The following HYKK variants were observed in gnomAD, a reference collection of about 807,000 sequenced individuals.
The protein encoded by HYKK is hydroxylysine kinase.
Under a neutral mutation model 29.7 loss-of-function variants are expected in HYKK, and 19 were observed. That is an observed-to-expected ratio of 0.64 (90% confidence interval 0.45 to 0.94). HYKK has a LOEUF of 0.94. Among genes scored for constraint, HYKK ranks in the 40% least tolerant of loss-of-function variants. HYKK has a pLI of 0.00. For synonymous variants in HYKK, 152 were observed against 158.1 expected, an observed-to-expected ratio of 0.96 and a Z score of 0.29; for missense variants, 390 against 443.4, an observed-to-expected ratio of 0.88 and a Z score of 1.08.
chr15:78,509,581 A>G (rs2052050783), intron 1 of HYKK, among the ~76,000 whole-genome samples: 1 of 152,224 alleles, frequency 6.6e-6, no homozygotes, highest in Non-Finnish European at 1.5e-5. Context: ...AATTGTTCTG[A>G]CATCGTTAAC....
Position 78,533,926 on chromosome 15 carries a change from T to C in HYKK, c.*256T>C. On this transcript the variant is annotated 3_prime_UTR_variant, in exon 5 of 5. Coordinates refer to ENST00000388988, the MANE Select transcript of HYKK (RefSeq NM_001013619.4). ...TGCCATATCTATAAAACACATATAA[T>C]GATACCATTTTGAAGCAGATAATCT... 1 of 431,246 alleles carries C rather than the reference T, an allele frequency of 2.3e-6. No homozygotes were observed. Among genetic ancestry groups the C allele is most frequent in the South Asian group, 3.5e-5 (1 of 28,696 alleles). 26.7% of individuals were successfully genotyped at this position (431,246 alleles called of 1,614,324 possible).
At chr15:78,510,958 CTTTTT>C (rs923918603) in intron 1 of HYKK, among the ~76,000 whole-genome samples, 4 of 85,156 alleles carry the variant, frequency 4.7e-5, no homozygotes, top group African/African-American at 8.6e-5. Flanking sequence ...TCATGAGATT[CTTTTT>C]TTTTTTTTTT....
chr15:78,517,920 G>C (rs1030983090), intron 3 of HYKK, among the ~76,000 whole-genome samples: 4 of 152,122 alleles, frequency 2.6e-5, no homozygotes, highest in Admixed American at 6.6e-5. Flanking sequence ...CCCCAGTTTT[G>C]AGTAGTTTCC....
At chr15:78,516,643 T>C (rs1476040937) in intron 3 of HYKK, among the ~76,000 whole-genome samples, 1 of 151,982 alleles carries the variant, frequency 6.6e-6, no homozygotes, top group Non-Finnish European at 1.5e-5. Context: ...AGCTACCCCA[T>C]GCCTAGCCAG....
intron 3 of HYKK, among the ~76,000 whole-genome samples, chr15:78,520,850 A>G (rs1333412653): frequency 1.0e-4 from 14 of 139,402 alleles, no homozygotes; most frequent in South Asian, 2.3e-4. Flanking sequence ...CGGACGGGGC[A>G]GCTGGCCGGG....
chr15:78,519,687 G>GGAGGCGGAGGTTGCAGT (rs2052171758), intron 3 of HYKK, among the ~76,000 whole-genome samples: 1 of 152,180 alleles, frequency 6.6e-6, no homozygotes, highest in Non-Finnish European at 1.5e-5. Flanking sequence ...CTTGAACCCG[G>GGAGGCGGAGGTTGCAGT]GAGGCGGAGG....
chr15:78,525,183 T>A lies in HYKK; in HGVS notation c.478-2197T>A, dbSNP rs1265533740. On this transcript the variant is annotated intron_variant, in intron 3 of 4. Coordinates refer to ENST00000388988, the MANE Select transcript of HYKK (RefSeq NM_001013619.4). The stretch of plus-strand genomic sequence containing the variant: ...TTGTTTATTTATTTTTGAGATGGAG[T>A]CTCGCTCTGTCGCCCAGGCTGGAGT... Among the ~76,000 whole-genome samples the A allele has an allele frequency of 2.6e-5, 4 of 152,008 alleles. 1 individual carries two copies. In the South Asian group the frequency reaches 8.3e-4, roughly 32 times the overall value.
At chr15:78,531,373 G>A (rs1014154173) in intron 4 of HYKK, among the ~76,000 whole-genome samples, 1 of 152,090 alleles carries the variant, frequency 6.6e-6, no homozygotes, top group African/African-American at 2.4e-5. Flanking sequence ...GGTCAAGTTT[G>A]TTAATCATTT....
chr15:78,509,052 A>C (rs11852372), intron 1 of HYKK, among the ~76,000 whole-genome samples: 41,315 of 151,572 alleles, frequency 0.27, 6,371 homozygotes, highest in Middle Eastern at 0.43. Context: ...TCAAAAACAA[A>C]AAAAAAAAAA....
At chr15:78,524,256 C>T (rs575309493) in intron 3 of HYKK, among the ~76,000 whole-genome samples, 10 of 152,260 alleles carry the variant, frequency 6.6e-5, no homozygotes, top group Non-Finnish European at 1.2e-4. Context: ...TCAACTTTTA[C>T]ACTCTGTGCA....
At chr15:78,527,155 A>G (rs999741344) in intron 3 of HYKK, among the ~76,000 whole-genome samples, 1 of 151,818 alleles carries the variant, frequency 6.6e-6, no homozygotes, top group African/African-American at 2.4e-5. Context: ...GCATGGTGAC[A>G]TATGCCTGTG....
chr15:78,520,925 C>CT (rs2052188484), intron 3 of HYKK, among the ~76,000 whole-genome samples: 1 of 150,128 alleles, frequency 6.7e-6, no homozygotes, highest in African/African-American at 2.4e-5. Context: ...GGCTGACCCC[C>CT]CCACCTCCCT....
chr15:78,521,643 A>AT (rs2052197677), intron 3 of HYKK, among the ~76,000 whole-genome samples: 1 of 152,118 alleles, frequency 6.6e-6, no homozygotes, highest in Admixed American at 6.5e-5. Context: ...GACAACACTG[A>AT]TTTTAACAAA....
At chr15:78,519,474 A>C (rs904490713) in intron 3 of HYKK, among the ~76,000 whole-genome samples, 2 of 152,190 alleles carry the variant, frequency 1.3e-5, no homozygotes, top group African/African-American at 4.8e-5. Context: ...AAACCTTTGA[A>C]CTGGGCCGGG....
chr15:78,529,091 C>A (rs911817474), intron 4 of HYKK, among the ~76,000 whole-genome samples: 7 of 152,186 alleles, frequency 4.6e-5, no homozygotes, highest in Non-Finnish European at 1.0e-4. Flanking sequence ...ATTCTTTCTT[C>A]AAAGGAGAGC....
chr15:78,509,047 A>T (rs1009726492), intron 1 of HYKK, among the ~76,000 whole-genome samples: 6 of 152,004 alleles, frequency 3.9e-5, no homozygotes, highest in African/African-American at 1.4e-4. Context: ...TTGTCTCAAA[A>T]ACAAAAAAAA....
chr15:78,516,007 C>T (rs531281463), intron 3 of HYKK, among the ~76,000 whole-genome samples: 40 of 152,236 alleles, frequency 2.6e-4, no homozygotes, highest in African/African-American at 8.4e-4. Flanking sequence ...TCAATATTCA[C>T]AAATAGAAAC....
intron 4 of HYKK, among the ~76,000 whole-genome samples, chr15:78,532,366 C>T (rs1464406767): frequency 1.3e-5 from 2 of 152,156 alleles, no homozygotes; most frequent in African/African-American, 2.4e-5. Context: ...CTCATGGAGA[C>T]TAGTAACATT....
intron 4 of HYKK, among the ~76,000 whole-genome samples, chr15:78,529,587 G>A (rs2052290638): frequency 6.6e-6 from 1 of 152,134 alleles, no homozygotes; most frequent in Non-Finnish European, 1.5e-5. Flanking sequence ...AATCTGATTT[G>A]TACATAATAG....
Sources: gnomAD v4.1 joint callset for allele counts (sites outside exome capture counted in the v4.1 genomes callset) on GRCh38, gnomAD v4.1.1 for gene constraint, MANE v1.5 for transcripts, NCBI Gene and HGNC (gene_info 2026-07-23, HGNC 2026-07-21) for gene names.